Variants in RABGAP1 observed in about 807,000 individuals in gnomAD.
RABGAP1 encodes rab GTPase-activating protein 1.
In RABGAP1, 23 loss-of-function variants were observed where a neutral mutation model predicts 137.6. The ratio of observed to expected loss-of-function variants is 0.17; its 90% CI spans 0.12 to 0.24. RABGAP1 has a LOEUF of 0.24. Among genes scored for constraint, RABGAP1 ranks in the 10% least tolerant of loss-of-function variants. The probability of loss-of-function intolerance (pLI) is 1.00; values close to 1 mark genes in which losing one functional copy is unlikely to be tolerated. For missense variants in RABGAP1, 906 were observed against 1,275.8 expected (o/e 0.71, Z 4.42); for synonymous variants, 451 against 450.7 (o/e 1.00, Z -0.01).
chr9:123,103,434 G>T lies in RABGAP1; in HGVS notation c.*221G>T. 2 of 533,924 alleles carry T rather than the reference G, an allele frequency of 3.7e-6. No homozygotes were observed. Among genetic ancestry groups the T allele is most frequent in the South Asian group, 4.5e-5 (2 of 44,484 alleles). 33.1% of individuals were successfully genotyped at this position (533,924 alleles called of 1,614,324 possible). A position where few individuals can be genotyped will look rare whatever the true frequency, so the allele number is the denominator to read the frequency against. ...GCCTGCTAGCTCAGCCGACGCTCTG[G>T]ACACTCTAGAAATCACTCCTCAGTG... is the stretch of plus-strand genomic sequence containing the variant. On this transcript the variant is annotated 3_prime_UTR_variant, in exon 26 of 26. Coordinates refer to ENST00000373647, the MANE Select transcript of RABGAP1 (RefSeq NM_012197.4).
At chr9:122,956,823 T>C (rs1016050807) in intron 1 of RABGAP1, among the ~76,000 whole-genome samples, 188 bp from the exon 2 acceptor site, 1 of 152,028 alleles carries the variant, frequency 6.6e-6, no homozygotes, top group African/African-American at 2.4e-5. Context: ...ATCTTGGCCT[T>C]GAATAGCATG....
intron 19 of RABGAP1, among the ~76,000 whole-genome samples, chr9:123,078,693 T>C (rs2034601120): frequency 6.6e-6 from 1 of 152,198 alleles, no homozygotes; most frequent in Non-Finnish European, 1.5e-5. Context: ...CCTTTCTCAG[T>C]GTCCCCATCT....
At chr9:123,035,021 T>A in intron 13 of RABGAP1, 3 of 1,613,918 alleles carry the variant, frequency 1.9e-6, no homozygotes, top group South Asian at 2.2e-5. Context: ...TGTATTTTCC[T>A]GATTTGGCTA....
chr9:123,095,921 T>C (rs2035170211), intron 21 of RABGAP1, among the ~76,000 whole-genome samples: 1 of 152,240 alleles, frequency 6.6e-6, no homozygotes, highest in African/African-American at 2.4e-5. Flanking sequence ...TGATCAGAGA[T>C]TATATCCTGC....
chr9:122,984,532 T>G lies in RABGAP1; in HGVS notation c.198T>G (p.Asp66Glu). Residue 66 changes from aspartate (D) to glutamate (E), a missense_variant, in exon 3 of 26, where the codon GAT becomes GAG. By Grantham distance (45) the Asp-to-Glu change is conservative. Coordinates refer to ENST00000373647, the MANE Select transcript of RABGAP1 (RefSeq NM_012197.4). ...SEQQLQKELA[D>E]VLMDPPMDDQ... ...AGCAGCTGCAAAAAGAGCTAGCAGATGTACTGATGGATCCTCCAATGGACG... is the reference window on the plus strand; with the variant it reads ...AGCAGCTGCAAAAAGAGCTAGCAGAGGTACTGATGGATCCTCCAATGGACG... 1 of 1,614,146 alleles carries G rather than the reference T, an allele frequency of 6.2e-7. No individual in the cohort carries two copies. The highest frequency in any genetic ancestry group is 8.5e-7 in the Non-Finnish European group (1 of 1,180,018).
intron 1 of RABGAP1, among the ~76,000 whole-genome samples, chr9:122,943,224 C>T (rs537133000): frequency 1.3e-5 from 2 of 151,902 alleles, no homozygotes; most frequent in East Asian, 1.9e-4. Flanking sequence ...TGTGCCACCA[C>T]GCCTAGCTAA....
chr9:123,043,073 G>C (rs934837612), intron 13 of RABGAP1, among the ~76,000 whole-genome samples: 12 of 152,130 alleles, frequency 7.9e-5, no homozygotes, highest in Non-Finnish European at 1.6e-4. Context: ...TGCCCAAACT[G>C]TCATTCAAGT....
At chr9:123,078,713 G>T (rs1028874180) in intron 19 of RABGAP1, among the ~76,000 whole-genome samples, 1 of 152,042 alleles carries the variant, frequency 6.6e-6, no homozygotes, top group Non-Finnish European at 1.5e-5. Context: ...TCAATTAGGG[G>T]TACCTGGTTG....
intron 19 of RABGAP1, among the ~76,000 whole-genome samples, chr9:123,088,510 C>G (rs995158964): frequency 2.6e-5 from 4 of 152,104 alleles, no homozygotes; most frequent in African/African-American, 4.8e-5. Context: ...GGCAACATAG[C>G]AAAACTCCAT....
chr9:123,006,699 C>A (rs545280973), intron 10 of RABGAP1, among the ~76,000 whole-genome samples: 1 of 152,282 alleles, frequency 6.6e-6, no homozygotes, highest in Admixed American at 6.5e-5. Flanking sequence ...CCTCCACCTC[C>A]CTGGTTCAAG....
intron 1 of RABGAP1, among the ~76,000 whole-genome samples, chr9:122,941,921 A>G (rs1270137622): frequency 6.6e-6 from 1 of 152,202 alleles, no homozygotes; most frequent in African/African-American, 2.4e-5. Flanking sequence ...GTCCTAGGAG[A>G]CCGTGTTAAG....
At chr9:122,943,964 A>T (rs910540758) in intron 1 of RABGAP1, among the ~76,000 whole-genome samples, 2 of 151,470 alleles carry the variant, frequency 1.3e-5, no homozygotes, top group African/African-American at 2.4e-5. Flanking sequence ...AAAAAAAAAG[A>T]AGTTTTTGTT....
At chr9:122,941,826 G>C (rs556067253) in intron 1 of RABGAP1, among the ~76,000 whole-genome samples, 1 of 152,220 alleles carries the variant, frequency 6.6e-6, no homozygotes, top group African/African-American at 2.4e-5. Context: ...CTGCTCTTCT[G>C]CATCCAGACT....
At chr9:122,976,093 A>G (rs1421038645) in intron 2 of RABGAP1, among the ~76,000 whole-genome samples, 1 of 152,016 alleles carries the variant, frequency 6.6e-6, no homozygotes, top group African/African-American at 2.4e-5. Flanking sequence ...TTTTAGTACC[A>G]CCCTGCTATG....
intron 1 of RABGAP1, among the ~76,000 whole-genome samples, chr9:122,955,615 C>G (rs541156211): frequency 1.3e-5 from 2 of 152,122 alleles, no homozygotes; most frequent in Non-Finnish European, 2.9e-5. Context: ...CTTTATCTAA[C>G]AGTATTGATT....
chr9:123,035,211 C>T, intron 13 of RABGAP1: 1 of 1,614,180 alleles, frequency 6.2e-7, no homozygotes, highest in Non-Finnish European at 8.5e-7. Flanking sequence ...TCAACATCTT[C>T]CGCATCTGCC....
At chr9:123,093,205 A>G (rs2035079485) in intron 21 of RABGAP1, among the ~76,000 whole-genome samples, 1 of 152,000 alleles carries the variant, frequency 6.6e-6, no homozygotes, top group African/African-American at 2.4e-5. Context: ...GCCCTCTTGT[A>G]TTTTCGGTTG....
intron 13 of RABGAP1, among the ~76,000 whole-genome samples, chr9:123,048,229 A>T (rs1420914062): frequency 6.6e-6 from 1 of 152,124 alleles, no homozygotes; most frequent in Non-Finnish European, 1.5e-5. Context: ...GTGAGCCATC[A>T]TGCCCAATCA....
intron 1 of RABGAP1, among the ~76,000 whole-genome samples, chr9:122,948,918 C>T (rs985053523): frequency 2.6e-5 from 4 of 152,144 alleles, no homozygotes; most frequent in Non-Finnish European, 4.4e-5. Context: ...TGAACACTGC[C>T]CGTAAGTAAG....
Sources: gnomAD v4.1 joint callset for allele counts (sites outside exome capture counted in the v4.1 genomes callset) on GRCh38, gnomAD v4.1.1 for gene constraint, MANE v1.5 for transcripts, NCBI Gene and HGNC (gene_info 2026-07-23, HGNC 2026-07-21) for gene names.